The following ANKH variants were observed in gnomAD, a reference collection of about 807,000 sequenced individuals.
ANKH encodes the protein ANKH inorganic pyrophosphate transport regulator, also known as mineralization regulator ANKH.
Under a neutral mutation model 49.0 loss-of-function variants are expected in ANKH, and 15 were observed. The observed-to-expected ratio is 0.31, with a 90% CI of 0.20 to 0.47. The LOEUF (loss-of-function observed/expected upper bound fraction) is 0.47, where lower values mean the gene tolerates loss of function less well. Ranked by LOEUF, ANKH falls within the 20% of genes least tolerant of loss-of-function variation. ANKH has a pLI of 1.00. For synonymous variants in ANKH, 273 were observed against 260.0 expected, an observed-to-expected ratio of 1.05 and a Z score of -0.48; for missense variants, 429 against 652.0, an observed-to-expected ratio of 0.66 and a Z score of 3.72.
chr5:14,814,353 C>A (rs1207805493), intron 1 of ANKH, among the ~76,000 whole-genome samples: 1 of 152,222 alleles, frequency 6.6e-6, no homozygotes, highest in Non-Finnish European at 1.5e-5. Context: ...GTAATCCCAG[C>A]ACTTTGGGAG....
At chr5:14,853,791 A>G (rs765361156) in intron 1 of ANKH, among the ~76,000 whole-genome samples, 2 of 152,184 alleles carry the variant, frequency 1.3e-5, no homozygotes, top group Non-Finnish European at 2.9e-5. Flanking sequence ...TATATACTAA[A>G]AACAAACAAA....
chr5:14,792,801 C>T (rs964698406), intron 1 of ANKH, among the ~76,000 whole-genome samples: 6 of 150,702 alleles, frequency 4.0e-5, no homozygotes, highest in South Asian at 2.1e-4. Flanking sequence ...ATGGTAAAAC[C>T]CTGCCTCTAC....
chr5:14,860,483 A>T (rs1214108457), intron 1 of ANKH, among the ~76,000 whole-genome samples: 3 of 152,174 alleles, frequency 2.0e-5, no homozygotes, highest in African/African-American at 7.2e-5. Context: ...AATTTCCTCT[A>T]AACCATTTAA....
chr5:14,756,990 G>A (rs1201572007), intron 3 of ANKH, among the ~76,000 whole-genome samples: 1 of 152,088 alleles, frequency 6.6e-6, no homozygotes, highest in Admixed American at 6.5e-5. Flanking sequence ...ATAGCTAAAG[G>A]GACATGGAAT....
intron 1 of ANKH, among the ~76,000 whole-genome samples, chr5:14,788,713 C>T (rs756319410): frequency 9.2e-5 from 14 of 152,112 alleles, no homozygotes; most frequent in Middle Eastern, 3.2e-3. Flanking sequence ...GAGAAATACA[C>T]AGAGAAGGAC....
At chr5:14,825,349 T>G (rs1376763323) in intron 1 of ANKH, among the ~76,000 whole-genome samples, 1 of 152,192 alleles carries the variant, frequency 6.6e-6, no homozygotes, top group Non-Finnish European at 1.5e-5. Context: ...CTTGGTGATT[T>G]TCTTTCTTTT....
At chr5:14,764,265 T>C (rs1202124045) in intron 2 of ANKH, among the ~76,000 whole-genome samples, 2 of 152,042 alleles carry the variant, frequency 1.3e-5, no homozygotes, top group East Asian at 3.9e-4. Context: ...TTTTGGTCAG[T>C]AGTGTGCGGT....
chr5:14,789,525 T>C (rs967924939), intron 1 of ANKH, among the ~76,000 whole-genome samples: 1 of 151,804 alleles, frequency 6.6e-6, no homozygotes, highest in African/African-American at 2.4e-5. Context: ...AAGTATTCAG[T>C]GTTTGGCTTG....
At chr5:14,753,802 A>C (rs1284297557) in intron 4 of ANKH, among the ~76,000 whole-genome samples, 1 of 152,160 alleles carries the variant, frequency 6.6e-6, no homozygotes, top group Non-Finnish European at 1.5e-5. Flanking sequence ...TCTGAAAACA[A>C]AACAAAACAA....
intron 1 of ANKH, among the ~76,000 whole-genome samples, chr5:14,807,947 T>G (rs1199697080): frequency 6.6e-6 from 1 of 152,218 alleles, no homozygotes; most frequent in Non-Finnish European, 1.5e-5. Flanking sequence ...CTTCATTAGC[T>G]CCTTTAAAAA....
intron 4 of ANKH, among the ~76,000 whole-genome samples, chr5:14,753,236 G>A (rs917864203): frequency 6.6e-6 from 1 of 152,208 alleles, no homozygotes; most frequent in African/African-American, 2.4e-5. Context: ...GAGGTCTTAT[G>A]TTGGAAGGTG....
intron 1 of ANKH, among the ~76,000 whole-genome samples, chr5:14,811,867 C>T (rs377312957): frequency 6.6e-6 from 1 of 152,010 alleles, no homozygotes; most frequent in East Asian, 1.9e-4. Flanking sequence ...TGATATTATC[C>T]ACCTTTATTC....
chr5:14,720,573 C>T (rs912833991), intron 8 of ANKH, among the ~76,000 whole-genome samples: 1 of 152,182 alleles, frequency 6.6e-6, no homozygotes, highest in Non-Finnish European at 1.5e-5. Context: ...ATTGGGCCCC[C>T]AATATGTCCC....
At chr5:14,733,832 G>A (rs1738082251) in intron 8 of ANKH, among the ~76,000 whole-genome samples, 1 of 152,234 alleles carries the variant, frequency 6.6e-6, no homozygotes, top group Non-Finnish European at 1.5e-5. Flanking sequence ...AGAGGCCAGA[G>A]GCGCCACATC....
Position 14,737,525 on chromosome 5 carries a change from A to G in ANKH, c.1011+4302T>C, listed in dbSNP as rs533750536. Among the ~76,000 whole-genome samples the G allele has an allele frequency of 6.6e-6, 1 of 152,312 alleles. No individual in the cohort carries two copies. The highest frequency in any genetic ancestry group is 2.4e-5 in the African/African-American group (1 of 41,576). On this transcript the variant is annotated intron_variant, in intron 8 of 11. Coordinates refer to ENST00000284268, the MANE Select transcript of ANKH (RefSeq NM_054027.6). This position sits in a 1 kb window ranked among gnomAD's most constrained non-coding sequence, Gnocchi z 5.0. ...GTCACTGTGTTCTACAGCCAGTCACATGAGCGACAGAGACCGCAGCTGTCC... is the reference window on the plus strand; with the variant it reads ...GTCACTGTGTTCTACAGCCAGTCACGTGAGCGACAGAGACCGCAGCTGTCC...
intron 1 of ANKH, among the ~76,000 whole-genome samples, chr5:14,819,957 C>A (rs535971896): frequency 1.3e-5 from 2 of 151,296 alleles, no homozygotes; most frequent in South Asian, 4.2e-4. Context: ...TAATCTCTAA[C>A]AACCTTTGCA....
At chr5:14,731,162 C>T (rs751153366) in intron 8 of ANKH, among the ~76,000 whole-genome samples, 16 of 152,116 alleles carry the variant, frequency 1.1e-4, no homozygotes, top group Non-Finnish European at 1.9e-4. Flanking sequence ...AGGCTGTTGG[C>T]GGATGGGTGG....
rs750936998 is a variant in ANKH at position 14,769,024 on chromosome 5, C to T, written c.264G>A (p.Leu88=). The change falls in exon 2 of 12, where the codon CTG becomes CTA. Residue 88 remains leucine, a synonymous_variant. Transcript: ENST00000284268. ...CGATGGCCCCTGCCACCACCATACA[C>T]AGGACGGCTTTGGTCCTGTCTCTCT... ...NSKRDRTKAV[L]CMVVAGAIAA... is the part of the protein sequence containing the mutation. The T allele has an allele frequency of 6.8e-6, 11 of 1,614,244 alleles. No individual in the cohort carries two copies. The highest frequency in any genetic ancestry group is 1.7e-5 in the Admixed American group (1 of 60,028).
In ANKH at chr5:14,713,624, C is replaced by T; in HGVS notation, c.1185G>A (p.Lys395=). 1 of 1,614,206 alleles carries T rather than the reference C, an allele frequency of 6.2e-7. No individual in the cohort carries two copies. Among genetic ancestry groups the T allele is most frequent in the Non-Finnish European group, 8.5e-7 (1 of 1,180,042 alleles). ...AGCTGGGGGCAAGGACGAAGGTTTT[C>T]TTCAGTGTCATCAGCCACCCGGTGA... The part of the protein sequence containing the change: ...AHLTGWLMTL[K]KTFVLAPSSV... Residue 395 remains lysine (K), a synonymous_variant, in exon 10 of 12, where the codon AAG becomes AAA. Coordinates refer to ENST00000284268, the MANE Select transcript of ANKH (RefSeq NM_054027.6). This position sits in a 1 kb window ranked among gnomAD's most constrained non-coding sequence, Gnocchi z 4.4.
Sources: allele counts gnomAD v4.1 joint callset (sites outside exome capture counted in the v4.1 genomes callset), GRCh38; gene constraint gnomAD v4.1.1; non-coding constraint Gnocchi (gnomAD v3.1); transcripts MANE v1.5; gene names NCBI Gene and HGNC (gene_info 2026-07-23, HGNC 2026-07-21).